Variants in GULP1 observed in about 807,000 individuals in gnomAD.
The protein encoded by GULP1 is GULP PTB domain containing engulfment adaptor 1.
A neutral mutation model predicts 40.9 loss-of-function variants in GULP1; 19 were observed. The ratio of observed to expected loss-of-function variants is 0.46; its 90% CI spans 0.32 to 0.68. The LOEUF is 0.68. GULP1 is among the 30% of genes least tolerant of loss of function. The pLI is 0.03. For synonymous variants in GULP1, 119 were observed against 117.6 expected (o/e 1.01, Z -0.08); for missense variants, 312 against 362.2 (o/e 0.86, Z 1.12).
chr2:188,491,782 A>AAG (rs2062415584), intron 4 of GULP1, among the ~76,000 whole-genome samples: 1 of 152,122 alleles, frequency 6.6e-6, no homozygotes, highest in African/African-American at 2.4e-5. Context: ...GCCCTTAGGC[A>AAG]ACATATACAT....
intron 2 of GULP1, among the ~76,000 whole-genome samples, chr2:188,417,668 A>G (rs975602931): frequency 6.6e-6 from 1 of 152,226 alleles, no homozygotes; most frequent in African/African-American, 2.4e-5. Flanking sequence ...CATGGAAACA[A>G]CTGTTTAAAA....
chr2:188,585,346 C>T (rs1280864705), intron 10 of GULP1, among the ~76,000 whole-genome samples: 1 of 152,214 alleles, frequency 6.6e-6, no homozygotes. Context: ...TCTCACAGCT[C>T]CACTAGGCAG....
intron 2 of GULP1, among the ~76,000 whole-genome samples, chr2:188,465,528 G>C (rs1024776470): frequency 3.3e-5 from 5 of 152,052 alleles, no homozygotes; most frequent in African/African-American, 1.2e-4. Flanking sequence ...TGTCTCAGTA[G>C]GTCATGACCC....
chr2:188,519,056 AAAAT>A (rs1416454327), intron 4 of GULP1, among the ~76,000 whole-genome samples: 1 of 152,162 alleles, frequency 6.6e-6, no homozygotes, highest in East Asian at 1.9e-4. Context: ...TGTAATTAAA[AAAAT>A]ACAGGAAGTA....
chr2:188,421,120 A>G (rs1373270173), intron 2 of GULP1, among the ~76,000 whole-genome samples: 3 of 152,172 alleles, frequency 2.0e-5, no homozygotes, highest in Non-Finnish European at 4.4e-5. Flanking sequence ...AATTCTCCCT[A>G]TTTATTGATG....
chr2:188,510,396 A>G (rs2064383513), intron 4 of GULP1, among the ~76,000 whole-genome samples: 1 of 152,092 alleles, frequency 6.6e-6, no homozygotes, highest in African/African-American at 2.4e-5. Flanking sequence ...TTGGCGAGGA[A>G]AAAGATATAT....
chr2:188,424,300 T>C (rs909684619), intron 2 of GULP1, among the ~76,000 whole-genome samples: 3 of 151,964 alleles, frequency 2.0e-5, no homozygotes, highest in Non-Finnish European at 4.4e-5. Context: ...GAGTTTATTA[T>C]AATCATTGCT....
intron 4 of GULP1, among the ~76,000 whole-genome samples, chr2:188,506,249 C>T (rs2063900093): frequency 6.6e-6 from 1 of 151,770 alleles, no homozygotes; most frequent in African/African-American, 2.4e-5. Context: ...TTAAGATTTT[C>T]ACTAATTAAA....
chr2:188,330,683 G>A (rs956364624), intron 1 of GULP1, among the ~76,000 whole-genome samples: 1 of 152,172 alleles, frequency 6.6e-6, no homozygotes, highest in African/African-American at 2.4e-5. Context: ...CAGTAGACTA[G>A]GAGTCAGAAG....
At chr2:188,530,972 TC>T (rs1384171437) in intron 6 of GULP1, among the ~76,000 whole-genome samples, 4 of 152,202 alleles carry the variant, frequency 2.6e-5, no homozygotes, top group Non-Finnish European at 5.9e-5. Flanking sequence ...AAGAGGAACT[TC>T]TGGCCTGTTA....
chr2:188,295,611 T>C (rs6744629), intron 1 of GULP1, among the ~76,000 whole-genome samples: 73,159 of 151,926 alleles, frequency 0.48, 18,245 homozygotes, highest in East Asian at 0.72. Flanking sequence ...AACTTAACTC[T>C]TTTTCGGGTG....
chr2:188,423,600 A>G lies in GULP1; in HGVS notation c.-45+39711A>G, dbSNP rs1048757803. Reference sequence around the variant, plus strand: ...GGAAAGCATTGTTTAGATTTTAAAAATGTGATATAAAAACAAAGTTTCTCT... The same window carrying G: ...GGAAAGCATTGTTTAGATTTTAAAAGTGTGATATAAAAACAAAGTTTCTCT... On this transcript the variant is annotated intron_variant, in intron 2 of 11. Transcript: ENST00000409830. Among the ~76,000 whole-genome samples the G allele has an allele frequency of 4.5e-4, 69 of 151,720 alleles. 1 individual carries two copies. Among genetic ancestry groups the G allele is most frequent in the Non-Finnish European group, 1.6e-4 (11 of 67,734 alleles).
intron 4 of GULP1, among the ~76,000 whole-genome samples, chr2:188,511,928 T>A (rs767199895): frequency 2.0e-5 from 3 of 152,176 alleles, no homozygotes; most frequent in Non-Finnish European, 4.4e-5. Context: ...TGTTGGTGTA[T>A]CTATTTTAGT....
chr2:188,565,569 ACT>A (rs1697457911), intron 7 of GULP1, among the ~76,000 whole-genome samples: 1 of 152,006 alleles, frequency 6.6e-6, no homozygotes, highest in Non-Finnish European at 1.5e-5. Flanking sequence ...CATAATGAGA[ACT>A]CTCTTAACTG....
intron 1 of GULP1, among the ~76,000 whole-genome samples, chr2:188,361,862 T>C (rs2046136901): frequency 6.6e-6 from 1 of 152,094 alleles, no homozygotes; most frequent in Non-Finnish European, 1.5e-5. Flanking sequence ...ATTCAATACA[T>C]TTTTTCTTAA....
intron 1 of GULP1, among the ~76,000 whole-genome samples, chr2:188,379,305 G>A (rs972685486): frequency 2.6e-5 from 4 of 152,168 alleles, no homozygotes; most frequent in African/African-American, 9.7e-5. Flanking sequence ...ACTGAAAGCT[G>A]AGGGTATGGA....
At chr2:188,344,608 A>G (rs2152217621) in intron 1 of GULP1, among the ~76,000 whole-genome samples, 1 of 152,352 alleles carries the variant, frequency 6.6e-6, no homozygotes, top group South Asian at 2.1e-4. Flanking sequence ...TCATAGACTG[A>G]GAGATGACGG....
chr2:188,546,569 T>G (rs1415008191), intron 7 of GULP1, among the ~76,000 whole-genome samples: 2 of 152,046 alleles, frequency 1.3e-5, no homozygotes, highest in Non-Finnish European at 2.9e-5. Flanking sequence ...AAAGCAGTGC[T>G]AAGAAAGAAA....
chr2:188,332,075 G>A (rs1414639763), intron 1 of GULP1, among the ~76,000 whole-genome samples: 1 of 152,070 alleles, frequency 6.6e-6, no homozygotes, highest in Non-Finnish European at 1.5e-5. Context: ...ATTAGAGTAA[G>A]GGTCCTTGGG....
Sources: allele counts gnomAD v4.1 joint callset (sites outside exome capture counted in the v4.1 genomes callset), GRCh38; gene constraint gnomAD v4.1.1; transcripts MANE v1.5; gene names NCBI Gene and HGNC (gene_info 2026-07-23, HGNC 2026-07-21).